CHCHD6: variants seen among roughly 807,000 people sequenced by gnomAD.
CHCHD6 encodes MICOS complex subunit MIC25.
A neutral mutation model predicts 32.3 loss-of-function variants in CHCHD6; 28 were observed. That is an observed-to-expected ratio of 0.87 (90% CI 0.64 to 1.19). The LOEUF (loss-of-function observed/expected upper bound fraction) is 1.19, where lower values mean the gene tolerates loss of function less well. Ranked by LOEUF, CHCHD6 falls within the 50% of genes most tolerant of loss-of-function variation. The pLI, the probability that CHCHD6 is intolerant of heterozygous loss-of-function variation, is 0.00. For missense variants in CHCHD6, 333 were observed against 307.0 expected (o/e 1.08, Z -0.63); for synonymous variants, 122 against 117.5 (o/e 1.04, Z -0.25).
intron 4 of CHCHD6, among the ~76,000 whole-genome samples, chr3:126,852,081 G>A (rs914384872): frequency 6.6e-6 from 1 of 152,210 alleles, no homozygotes; most frequent in Non-Finnish European, 1.5e-5. Flanking sequence ...CTCTGTGCGT[G>A]TCTTCCTGCA....
intron 5 of CHCHD6, among the ~76,000 whole-genome samples, chr3:126,910,273 G>GGAAAAAAAAAAAAACAA (rs1553756142): frequency 9.0e-6 from 1 of 111,456 alleles, no homozygotes; most frequent in Non-Finnish European, 1.8e-5. Flanking sequence ...CCTGCCTCAG[G>GGAAAAAAAAAAAAACAA]AAAAAAAAAA....
chr3:126,897,312 C>T (rs1446831861), intron 5 of CHCHD6, among the ~76,000 whole-genome samples: 1 of 152,154 alleles, frequency 6.6e-6, no homozygotes, highest in African/African-American at 2.4e-5. Flanking sequence ...ACAAGCATGC[C>T]ATGGTATCAA....
intron 4 of CHCHD6, chr3:126,766,789 C>T: frequency 9.3e-7 from 1 of 1,079,326 alleles, no homozygotes; most frequent in Non-Finnish European, 1.4e-6. Context: ...AAACAGACCA[C>T]CCACTTCACT....
rs545587563 is a variant in CHCHD6, at chr3:126,823,170, G to A, written c.412-29477G>A. 6.0e-5 allele frequency among the ~76,000 whole-genome samples: 9 copies of A among 151,234 alleles called. No individual in the cohort carries two copies. In the East Asian group the frequency reaches 1.7e-3, roughly 29 times the overall value. ...GGGCTCAAGTAATCCTCCCACCTCGGCCTCACAAACTGCTAGGATTACAGG... is the reference window on the plus strand; with the variant it reads ...GGGCTCAAGTAATCCTCCCACCTCGACCTCACAAACTGCTAGGATTACAGG... On this transcript the variant is annotated intron_variant, in intron 4 of 7. Coordinates refer to ENST00000290913, the MANE Select transcript of CHCHD6 (RefSeq NM_032343.3).
chr3:126,735,448 A>G lies in CHCHD6; in HGVS notation c.411+2226A>G, dbSNP rs768162775. On this transcript the variant is annotated intron_variant, in intron 4 of 7. Transcript: ENST00000290913. Reference sequence around the variant, plus strand: ...AAAACATTTAACTACTTTCATGGGCATTCTCATTTTCTGACTGCTCAGCGT... The same window carrying G: ...AAAACATTTAACTACTTTCATGGGCGTTCTCATTTTCTGACTGCTCAGCGT... Among the ~76,000 whole-genome samples, 11 of 152,308 alleles carry G rather than the reference A, an allele frequency of 7.2e-5. No homozygotes were observed. The East Asian group carries it at 2.1e-3, about 29-fold the overall frequency.
intron 5 of CHCHD6, among the ~76,000 whole-genome samples, chr3:126,906,339 A>G (rs1170123011): frequency 6.6e-6 from 1 of 152,174 alleles, no homozygotes; most frequent in Non-Finnish European, 1.5e-5. Context: ...AGTCGACACC[A>G]TTACACGGCA....
At chr3:126,861,653 C>T (rs1941877467) in intron 5 of CHCHD6, among the ~76,000 whole-genome samples, 1 of 150,408 alleles carries the variant, frequency 6.6e-6, no homozygotes, top group African/African-American at 2.5e-5. Context: ...ATCACCACCT[C>T]CCCCTCCTCT....
chr3:126,865,082 T>C (rs1216886369), intron 5 of CHCHD6, among the ~76,000 whole-genome samples: 2 of 80,142 alleles, frequency 2.5e-5, no homozygotes, highest in East Asian at 3.5e-4. Flanking sequence ...CCACCTCCAC[T>C]TCTTCCTCCT....
intron 5 of CHCHD6, among the ~76,000 whole-genome samples, chr3:126,868,319 G>A (rs2107565728): frequency 6.6e-6 from 1 of 152,330 alleles, no homozygotes; most frequent in Non-Finnish European, 1.5e-5. Context: ...GAGTGTAACT[G>A]AGTGTTGCTT....
chr3:126,847,121 G>C (rs1217496707), intron 4 of CHCHD6, among the ~76,000 whole-genome samples: 1 of 152,208 alleles, frequency 6.6e-6, no homozygotes, highest in East Asian at 1.9e-4. Context: ...AAAATGTAGT[G>C]ACTTAAACAT....
At chr3:126,772,242 C>T (rs1353561154) in intron 4 of CHCHD6, among the ~76,000 whole-genome samples, 3 of 152,166 alleles carry the variant, frequency 2.0e-5, no homozygotes, top group Non-Finnish European at 4.4e-5. Context: ...GCTGGGACTA[C>T]AGGTGCCCGC....
chr3:126,796,093 C>T (rs1382240253), intron 4 of CHCHD6, among the ~76,000 whole-genome samples: 2 of 151,976 alleles, frequency 1.3e-5, no homozygotes, highest in African/African-American at 4.8e-5. Context: ...GGGTGTAATC[C>T]CAGCACTTTG....
intron 4 of CHCHD6, among the ~76,000 whole-genome samples, chr3:126,739,172 C>A (rs555539809): frequency 6.6e-6 from 1 of 152,362 alleles, no homozygotes; most frequent in South Asian, 2.1e-4. Context: ...AGAAAAAAAT[C>A]ATGACATCCA....
intron 5 of CHCHD6, among the ~76,000 whole-genome samples, chr3:126,912,798 G>A (rs1472526540): frequency 1.3e-5 from 2 of 152,230 alleles, no homozygotes; most frequent in Non-Finnish European, 2.9e-5. Context: ...CCACGATGCA[G>A]CAGGGGAGTC....
At chr3:126,804,040 A>G (rs1272098227) in intron 4 of CHCHD6, among the ~76,000 whole-genome samples, 1 of 152,196 alleles carries the variant, frequency 6.6e-6, no homozygotes, top group Non-Finnish European at 1.5e-5. Context: ...AACATACCAG[A>G]ATCTCTGGGA....
chr3:126,905,878 C>T (rs1053532209), intron 5 of CHCHD6, among the ~76,000 whole-genome samples: 12 of 152,060 alleles, frequency 7.9e-5, no homozygotes, highest in African/African-American at 2.9e-4. Flanking sequence ...GTGGTGTTCA[C>T]TACTTCAAGA....
At chr3:126,883,486 A>G (rs573519544) in intron 5 of CHCHD6, among the ~76,000 whole-genome samples, 1 of 152,284 alleles carries the variant, frequency 6.6e-6, no homozygotes, top group Non-Finnish European at 1.5e-5. Flanking sequence ...AAATCCCCAC[A>G]TATTCTGAGT....
At chr3:126,802,173 G>A (rs1939112514) in intron 4 of CHCHD6, among the ~76,000 whole-genome samples, 1 of 152,198 alleles carries the variant, frequency 6.6e-6, no homozygotes, top group Non-Finnish European at 1.5e-5. Context: ...TCCTCCAAAG[G>A]AATGCAGTTC....
intron 5 of CHCHD6, among the ~76,000 whole-genome samples, chr3:126,856,143 CAAAA>C (rs779417057): frequency 4.4e-4 from 67 of 151,216 alleles, no homozygotes; most frequent in African/African-American, 1.4e-3. Flanking sequence ...AACAAACAAA[CAAAA>C]AAAATCACAA....
Sources: gnomAD v4.1 joint callset for allele counts (sites outside exome capture counted in the v4.1 genomes callset) on GRCh38, gnomAD v4.1.1 for gene constraint, MANE v1.5 for transcripts, NCBI Gene and HGNC (gene_info 2026-07-23, HGNC 2026-07-21) for gene names.